The following KCNIP3 variants were observed in gnomAD, a reference collection of about 807,000 sequenced individuals.
KCNIP3 encodes the protein potassium voltage-gated channel interacting protein 3.
KCNIP3 carries 28 observed loss-of-function variants against 35.0 expected under a neutral mutation model. The observed-to-expected ratio is 0.80, with a 90% CI of 0.59 to 1.10. KCNIP3 has a LOEUF of 1.10. Ranked by LOEUF, KCNIP3 falls within the 50% of genes least tolerant of loss-of-function variation. The pLI, the probability that KCNIP3 is intolerant of heterozygous loss-of-function variation, is 0.00. For synonymous variants in KCNIP3, 134 were observed against 133.8 expected, an observed-to-expected ratio of 1.00 and a Z score of -0.01; for missense variants, 295 against 338.4, an observed-to-expected ratio of 0.87 and a Z score of 1.01.
intron 2 of KCNIP3, among the ~76,000 whole-genome samples, chr2:95,348,198 GGGT>G (rs1347704649): frequency 6.6e-6 from 1 of 152,246 alleles, no homozygotes; most frequent in Non-Finnish European, 1.5e-5. Context: ...TGGTTCAGAG[GGGT>G]GCCACCAGGA....
At chr2:95,344,105 G>A (rs1192295292) in intron 2 of KCNIP3, among the ~76,000 whole-genome samples, 1 of 152,124 alleles carries the variant, frequency 6.6e-6, no homozygotes, top group Non-Finnish European at 1.5e-5. Context: ...CCGCCCTGAA[G>A]AGGTTTTTTT....
chr2:95,359,457 C>T (rs957103244), intron 2 of KCNIP3, among the ~76,000 whole-genome samples: 20 of 152,202 alleles, frequency 1.3e-4, no homozygotes, highest in African/African-American at 4.6e-4. Context: ...CTTGACTCCA[C>T]ATCACACACT....
chr2:95,360,739 C>CAGAG, intron 2 of KCNIP3, among the ~76,000 whole-genome samples: 1 of 152,110 alleles, frequency 6.6e-6, no homozygotes, highest in South Asian at 2.1e-4. Context: ...AACAGACAGA[C>CAGAG]AGACAGAGAG....
intron 2 of KCNIP3, among the ~76,000 whole-genome samples, chr2:95,342,696 C>T (rs1177624469): frequency 6.6e-6 from 1 of 152,180 alleles, no homozygotes; most frequent in Non-Finnish European, 1.5e-5. Flanking sequence ...GGCAGCCTGG[C>T]CACTTATCTA....
intron 2 of KCNIP3, among the ~76,000 whole-genome samples, chr2:95,345,507 G>A (rs754301246): frequency 1.7e-4 from 26 of 152,256 alleles, no homozygotes; most frequent in Non-Finnish European, 3.4e-4. Flanking sequence ...ATGAATGGCC[G>A]AGTGAGTGGC....
intron 7 of KCNIP3, 82 bp from the exon 8 acceptor site, chr2:95,383,139 ATCCACCCACCC>A: frequency 3.8e-5 from 9 of 235,840 alleles, no homozygotes; most frequent in African/African-American, 8.0e-5. Context: ...CCACCCGCCC[ATCCACCCACCC>A]ATGACTTCTG....
chr2:95,348,722 A>G (rs1455073325), intron 2 of KCNIP3, among the ~76,000 whole-genome samples: 2 of 152,166 alleles, frequency 1.3e-5, no homozygotes, highest in South Asian at 4.1e-4. Flanking sequence ...GGCTCCCATG[A>G]GGCTCCGTTT....
chr2:95,355,814 A>G (rs1206328929), intron 2 of KCNIP3, among the ~76,000 whole-genome samples: 4 of 152,184 alleles, frequency 2.6e-5, no homozygotes, highest in South Asian at 2.1e-4. Context: ...ATACGTGTGC[A>G]TGTGTCTTTA....
chr2:95,373,623 C>T (rs1264552743), intron 2 of KCNIP3, among the ~76,000 whole-genome samples: 6 of 152,026 alleles, frequency 3.9e-5, no homozygotes, highest in Admixed American at 1.3e-4. Flanking sequence ...GGGGTTTCAC[C>T]GTGTTAGCCA....
intron 2 of KCNIP3, among the ~76,000 whole-genome samples, chr2:95,335,441 G>A (rs1470612440): frequency 6.6e-6 from 1 of 152,158 alleles, no homozygotes; most frequent in Non-Finnish European, 1.5e-5. Context: ...TTTTTGTTGT[G>A]AAATCTACCA....
chr2:95,302,308 C>T (rs1573476264), intron 1 of KCNIP3, among the ~76,000 whole-genome samples: 2 of 152,222 alleles, frequency 1.3e-5, no homozygotes, highest in African/African-American at 4.8e-5. Context: ...GCCTTTCAGG[C>T]AAGGCCAAGA....
In KCNIP3 at chr2:95,384,133, T is replaced by G; in HGVS notation, c.*84T>G. 2 of 1,253,744 alleles carry G rather than the reference T, an allele frequency of 1.6e-6. No individual in the cohort carries two copies. Among genetic ancestry groups the G allele is most frequent in the South Asian group, 2.4e-5 (2 of 83,546 alleles). 77.7% of individuals were successfully genotyped at this position (1,253,744 alleles called of 1,614,324 possible). On this transcript the variant is annotated 3_prime_UTR_variant, in exon 9 of 9. Transcript: ENST00000295225. ...TGCCAGGAGCAGCCTCCAAGAAACT[T>G]TTAAAAAATAGATTTGCAAAAAGTG...
intron 1 of KCNIP3, 199 bp from the exon 2 acceptor site, chr2:95,310,156 C>A: frequency 1.4e-6 from 1 of 702,258 alleles, no homozygotes; most frequent in South Asian, 1.5e-5. Context: ...ACACCATAGC[C>A]AGGGTGTAGA....
chr2:95,356,334 C>T (rs1679656151), intron 2 of KCNIP3, among the ~76,000 whole-genome samples: 1 of 152,164 alleles, frequency 6.6e-6, no homozygotes, highest in Admixed American at 6.5e-5. Flanking sequence ...TTTTGTCGTG[C>T]AGAAGCTCTT....
At chr2:95,301,658 G>A (rs1356188385) in intron 1 of KCNIP3, among the ~76,000 whole-genome samples, 7 of 152,210 alleles carry the variant, frequency 4.6e-5, no homozygotes, top group African/African-American at 1.7e-4. Flanking sequence ...CCTTCTGACT[G>A]TTGAGGAGAG....
At chr2:95,374,949 C>T in intron 4 of KCNIP3, 32 bp downstream of exon 4, 1 of 1,609,166 alleles carries the variant, frequency 6.2e-7, no homozygotes, top group South Asian at 1.1e-5. Context: ...CCTGCTGTGT[C>T]CCAGTGTGGA....
chr2:95,338,917 C>T (rs1285350553), intron 2 of KCNIP3, among the ~76,000 whole-genome samples: 1 of 152,200 alleles, frequency 6.6e-6, no homozygotes, highest in African/African-American at 2.4e-5. Context: ...CTCGAAGGCC[C>T]ATCCCCAGAG....
intron 2 of KCNIP3, among the ~76,000 whole-genome samples, chr2:95,359,707 G>A (rs1259304970): frequency 6.6e-6 from 1 of 152,248 alleles, no homozygotes; most frequent in Non-Finnish European, 1.5e-5. Flanking sequence ...CCAGGCAGAG[G>A]CAGCCACGCC....
chr2:95,330,696 G>A (rs746822237), intron 2 of KCNIP3, among the ~76,000 whole-genome samples: 4 of 152,122 alleles, frequency 2.6e-5, no homozygotes, highest in East Asian at 3.9e-4. Flanking sequence ...CCAGGGTGCC[G>A]GGGCTGTGGC....
Sources: gnomAD v4.1 joint callset for allele counts (sites outside exome capture counted in the v4.1 genomes callset) on GRCh38, gnomAD v4.1.1 for gene constraint, MANE v1.5 for transcripts, NCBI Gene and HGNC (gene_info 2026-07-23, HGNC 2026-07-21) for gene names.